Variants in FAM135B observed in about 807,000 individuals in gnomAD.
FAM135B encodes the protein family with sequence similarity 135 member B.
Under a neutral mutation model 127.7 loss-of-function variants are expected in FAM135B, and 43 were observed. The ratio of observed to expected loss-of-function variants is 0.34; its 90% CI spans 0.26 to 0.43. The LOEUF is 0.43. Among genes scored for constraint, FAM135B ranks in the 20% least tolerant of loss-of-function variants. The pLI, the probability that FAM135B is intolerant of heterozygous loss-of-function variation, is 1.00. For missense variants in FAM135B, 1,558 were observed against 1,725.6 expected, an observed-to-expected ratio of 0.90 and a Z score of 1.72; for synonymous variants, 670 against 665.1, an observed-to-expected ratio of 1.01 and a Z score of -0.11.
At chr8:138,173,749 C>T (rs1253441385) in intron 11 of FAM135B, among the ~76,000 whole-genome samples, 1 of 152,172 alleles carries the variant, frequency 6.6e-6, no homozygotes. Context: ...ACAGGAAATG[C>T]AAAAGTCAGA....
chr8:138,311,572 T>C (rs1373670590), intron 2 of FAM135B, among the ~76,000 whole-genome samples: 1 of 152,238 alleles, frequency 6.6e-6, no homozygotes, highest in Admixed American at 6.5e-5. Context: ...TTTTTGCTTG[T>C]AAGCATTTGA....
intron 7 of FAM135B, among the ~76,000 whole-genome samples, chr8:138,220,944 C>T (rs1818979865): frequency 6.6e-6 from 1 of 152,162 alleles, no homozygotes; most frequent in South Asian, 2.1e-4. Flanking sequence ...GACAGCTGAG[C>T]AAGTTTTTCA....
intron 1 of FAM135B, among the ~76,000 whole-genome samples, chr8:138,473,799 T>C (rs1814215505): frequency 1.3e-5 from 2 of 151,992 alleles, no homozygotes; most frequent in Middle Eastern, 3.4e-3. Flanking sequence ...TTGATAGTCA[T>C]GTTAAATTTT....
chr8:138,233,378 A>G (rs1325398302), intron 7 of FAM135B, among the ~76,000 whole-genome samples: 1 of 152,174 alleles, frequency 6.6e-6, no homozygotes, highest in African/African-American at 2.4e-5. Flanking sequence ...CTCATATACA[A>G]CTGATCTTGG....
chr8:138,375,453 T>C (rs958132984), intron 1 of FAM135B, among the ~76,000 whole-genome samples: 2 of 152,054 alleles, frequency 1.3e-5, no homozygotes, highest in African/African-American at 4.8e-5. Flanking sequence ...GATCCAGATA[T>C]CAATGTTACA....
intron 3 of FAM135B, among the ~76,000 whole-genome samples, chr8:138,295,629 G>A (rs140424360): frequency 2.6e-5 from 4 of 152,230 alleles, no homozygotes; most frequent in East Asian, 1.9e-4. Flanking sequence ...AAATGAAGGC[G>A]TGAGGAGGCA....
Position 138,478,082 on chromosome 8 carries a change from C to T in FAM135B, c.-20+18589G>A, listed in dbSNP as rs867023429. Among the ~76,000 whole-genome samples the T allele has an allele frequency of 2.4e-4, 37 of 152,210 alleles. No individual in the cohort carries two copies. In the Middle Eastern group the frequency reaches 0.02, roughly 84 times the overall value. On this transcript the variant is annotated intron_variant, in intron 1 of 19. Coordinates refer to ENST00000395297, the MANE Select transcript of FAM135B (RefSeq NM_015912.4). Reference sequence around the variant, plus strand: ...TGTCGTGAGGTTTTTGTTATTCCAGCGGAACCCCATGTTAACTGGAAGAAA... The same window carrying T: ...TGTCGTGAGGTTTTTGTTATTCCAGTGGAACCCCATGTTAACTGGAAGAAA...
chr8:138,156,499 A>G (rs1354867912), intron 12 of FAM135B, among the ~76,000 whole-genome samples: 2 of 137,118 alleles, frequency 1.5e-5, no homozygotes, highest in East Asian at 5.1e-4. Flanking sequence ...AAAATCAACG[A>G]ATCCAGGAGT....
At chr8:138,134,783 G>C (rs189556716) in intron 19 of FAM135B, among the ~76,000 whole-genome samples, 1 of 152,040 alleles carries the variant, frequency 6.6e-6, no homozygotes, top group African/African-American at 2.4e-5. Flanking sequence ...TTTGATGTCC[G>C]TGTAAAAATG....
chr8:138,205,618 A>G (rs569887961), intron 7 of FAM135B, among the ~76,000 whole-genome samples: 1 of 152,322 alleles, frequency 6.6e-6, no homozygotes, highest in African/African-American at 2.4e-5. Flanking sequence ...CTGAGCTTTT[A>G]GTCAGTAATA....
At chr8:138,384,596 G>T (rs1048759181) in intron 1 of FAM135B, among the ~76,000 whole-genome samples, 2 of 152,008 alleles carry the variant, frequency 1.3e-5, no homozygotes, top group African/African-American at 2.4e-5. Flanking sequence ...TGGGTTTTCT[G>T]CCAAGTAACT....
At chr8:138,328,437 C>A (rs1327309878) in intron 2 of FAM135B, among the ~76,000 whole-genome samples, 1 of 152,142 alleles carries the variant, frequency 6.6e-6, no homozygotes, top group Admixed American at 6.6e-5. Context: ...ATAACTCCCA[C>A]ATGCTTAGCT....
At chr8:138,229,238 T>C (rs1370434507) in intron 7 of FAM135B, among the ~76,000 whole-genome samples, 1 of 152,186 alleles carries the variant, frequency 6.6e-6, no homozygotes, top group African/African-American at 2.4e-5. Context: ...TGGCACCTTC[T>C]TCATGGGGCC....
intron 12 of FAM135B, among the ~76,000 whole-genome samples, chr8:138,165,143 G>A (rs1453322798): frequency 5.3e-5 from 8 of 150,040 alleles, no homozygotes; most frequent in African/African-American, 2.0e-4. Flanking sequence ...TTTTTGAGAC[G>A]GAGTTTCACT....
chr8:138,464,697 C>T (rs913827994), intron 1 of FAM135B, among the ~76,000 whole-genome samples: 2 of 152,170 alleles, frequency 1.3e-5, no homozygotes, highest in African/African-American at 4.8e-5. Flanking sequence ...GAGATCCTTG[C>T]GGCTGGATGA....
intron 7 of FAM135B, among the ~76,000 whole-genome samples, chr8:138,203,514 T>C (rs970229243): frequency 2.0e-5 from 3 of 152,196 alleles, no homozygotes; most frequent in Admixed American, 1.3e-4. Flanking sequence ...ATCTAACGTG[T>C]CTTGCTGTTC....
intron 3 of FAM135B, among the ~76,000 whole-genome samples, chr8:138,298,795 C>T (rs1825657240): frequency 6.6e-6 from 1 of 152,026 alleles, no homozygotes; most frequent in Admixed American, 6.6e-5. Flanking sequence ...TCCCAAGGAA[C>T]ACACAATGGG....
chr8:138,349,554 C>T (rs1567686), intron 2 of FAM135B, among the ~76,000 whole-genome samples: 3 of 151,998 alleles, frequency 2.0e-5, no homozygotes, highest in Non-Finnish European at 4.4e-5. Flanking sequence ...TTCTTTTTCA[C>T]TTTTTCTTTC....
chr8:138,348,295 C>T (rs1276633925), intron 2 of FAM135B, among the ~76,000 whole-genome samples: 1 of 151,790 alleles, frequency 6.6e-6, no homozygotes, highest in African/African-American at 2.4e-5. Context: ...CCACCACACC[C>T]CGCTAATTTT....
Sources: gnomAD v4.1 joint callset for allele counts (sites outside exome capture counted in the v4.1 genomes callset) on GRCh38, gnomAD v4.1.1 for gene constraint, MANE v1.5 for transcripts, NCBI Gene and HGNC (gene_info 2026-07-23, HGNC 2026-07-21) for gene names.